Variants in EIF2D observed in about 807,000 individuals in gnomAD.
EIF2D encodes eukaryotic translation initiation factor 2D, also known as hepatocellular carcinoma-associated antigen 56.
EIF2D carries 56 observed loss-of-function variants against 77.4 expected under a neutral mutation model. The ratio of observed to expected loss-of-function variants is 0.72; its 90% confidence interval spans 0.58 to 0.90. EIF2D has a LOEUF of 0.90. Ranked by LOEUF, EIF2D falls within the 40% of genes least tolerant of loss-of-function variation. EIF2D has a pLI of 0.00. For missense variants in EIF2D, 574 were observed against 706.5 expected (o/e 0.81, Z 2.13); for synonymous variants, 230 against 271.0 (o/e 0.85, Z 1.49).
chr1:206,607,265 A>G (rs77081601), intron 4 of EIF2D, among the ~76,000 whole-genome samples: 4,418 of 152,370 alleles, frequency 0.029, 94 homozygotes, highest in Admixed American at 0.045. Flanking sequence ...ACACATACAC[A>G]GTATAATTTT....
intron 13 of EIF2D, chr1:206,594,677 C>T (rs2102277580): frequency 6.6e-6 from 1 of 152,230 alleles, no homozygotes; most frequent in South Asian, 2.1e-4. Flanking sequence ...TGCATGAACC[C>T]CCAACTACAT....
downstream of EIF2D, among the ~76,000 whole-genome samples, chr1:206,570,078 CTTTTTTTTTT>C (rs375900760): frequency 2.1e-3 from 246 of 119,340 alleles, 3 homozygotes; most frequent in African/African-American, 4.9e-3. Flanking sequence ...TAAAATTTAC[CTTTTTTTTTT>C]TTTTTTTTTT....
At chr1:206,587,612 C>T (rs1558526540), downstream of EIF2D, 2 of 155,350 alleles carry the variant, frequency 1.3e-5, no homozygotes, top group African/African-American at 4.8e-5. Flanking sequence ...AAGCTGCAGC[C>T]TGCCCTGGCC....
At chr1:206,611,038 C>T (rs1670456904) in intron 2 of EIF2D, 146 bp downstream of exon 2, 3 of 716,178 alleles carry the variant, frequency 4.2e-6, no homozygotes, top group South Asian at 2.4e-5. Context: ...ATTCTAGGAA[C>T]ACCAGGTCCA....
At chr1:206,595,945 A>C (rs1010107964) in intron 12 of EIF2D, 107 bp from the exon 13 acceptor site, 4 of 1,469,658 alleles carry the variant, frequency 2.7e-6, no homozygotes, top group Non-Finnish European at 3.7e-6. Context: ...GCAGGTCCAC[A>C]ACCTTGGCTG....
chr1:206,587,767 T>A (rs1358207781), downstream of EIF2D: 1 of 152,440 alleles, frequency 6.6e-6, no homozygotes, highest in Non-Finnish European at 1.5e-5. Context: ...TCGTCATGTG[T>A]TTCCCCAAAG....
chr1:206,611,428 T>C, intron 1 of EIF2D, 54 bp from the exon 2 acceptor site: 1 of 1,492,282 alleles, frequency 6.7e-7, no homozygotes, highest in South Asian at 1.3e-5. Flanking sequence ...TTTTAATAAA[T>C]ATCAAGAACG....
chr1:206,587,121 T>G, downstream of EIF2D: 1 of 1,056,690 alleles, frequency 9.5e-7, no homozygotes, highest in Non-Finnish European at 1.4e-6. Flanking sequence ...CAAAAGTCTC[T>G]TCCATGGACA....
Position 206,603,028 on chromosome 1 carries a change from T to G in EIF2D, c.707A>C (p.Lys236Thr), listed in dbSNP as rs964739920. 1.9e-6 allele frequency: 3 copies of G among 1,614,150 alleles called. No homozygotes were observed. The highest frequency in any genetic ancestry group is 1.7e-6 in the Non-Finnish European group (2 of 1,180,020). The change falls in exon 6 of 15, where the codon AAG (lysine) becomes ACG (threonine). Residue 236 changes from lysine (K) to threonine (T), a missense_variant. By Grantham distance (78) the Lys-to-Thr change is moderately conservative. Transcript: ENST00000271764. ...NGEVHQARED[K>T]SLSEAPEDTS... ...GTCTTCTGGGGCTTCTGAGAGAGAC[T>G]TGTCTTCACGTGCCTGGTGAACCTC...
chr1:206,572,956 A>G (rs1347154937), intron 4 of EIF2D, among the ~76,000 whole-genome samples: 1 of 152,310 alleles, frequency 6.6e-6, no homozygotes, highest in South Asian at 2.1e-4. Flanking sequence ...GCTTTGGTCA[A>G]ATGACTACTG....
chr1:206,574,291 T>C (rs1553404746), intron 4 of EIF2D, among the ~76,000 whole-genome samples: 2 of 152,196 alleles, frequency 1.3e-5, no homozygotes, highest in Non-Finnish European at 2.9e-5. Flanking sequence ...CTGTACTTGC[T>C]CTGGTGTGCC....
chr1:206,610,970 C>T (rs939483730), intron 2 of EIF2D, among the ~76,000 whole-genome samples: 2 of 152,026 alleles, frequency 1.3e-5, no homozygotes, highest in African/African-American at 2.4e-5. Flanking sequence ...TTTTTAATCC[C>T]TCCTATAGTG....
In EIF2D at chr1:206,599,065, C is replaced by T. The variant is rs1553410742; in HGVS notation, c.1230G>A (p.Glu410=). Residue 410 remains glutamate (E), a synonymous_variant, in exon 11 of 15, where the codon GAG becomes GAA. Transcript: ENST00000271764. The surrounding 1 kb of genome is among the most constrained non-coding windows in gnomAD (Gnocchi z 4.1). The stretch of plus-strand genomic sequence containing the variant: ...CGTAGTTAATGACGATCGTTCGGAC[C>T]TCACTGCCCTCCAGAAAGCTCCCCT... ...HKKGSFLEGS[E]VRTIVINYAK... 6.2e-7 allele frequency: 1 copy of T among 1,614,146 alleles called. No individual in the cohort carries two copies. Among genetic ancestry groups the T allele is most frequent in the South Asian group, 1.1e-5 (1 of 91,082 alleles).
At chr1:206,607,054 T>C (rs1343188776) in intron 4 of EIF2D, among the ~76,000 whole-genome samples, 3 of 152,190 alleles carry the variant, frequency 2.0e-5, no homozygotes, top group African/African-American at 7.2e-5. Context: ...TAGAGACAAA[T>C]TGGAGGCAAC....
At chr1:206,585,084 C>T (rs1347436740) in intron 2 of EIF2D, 15 of 841,590 alleles carry the variant, frequency 1.8e-5, no homozygotes, top group Middle Eastern at 3.4e-4. Flanking sequence ...TCCAGTTGTA[C>T]GTACCCCACC....
chr1:206,608,434 A>C, intron 3 of EIF2D, 108 bp from the exon 4 acceptor site: 1 of 828,902 alleles, frequency 1.2e-6, no homozygotes, highest in Non-Finnish European at 1.8e-6. Flanking sequence ...ACTAGGTATC[A>C]ACTATGTTTT....
chr1:206,593,257 TC>T, intron 14 of EIF2D, among the ~76,000 whole-genome samples: 1 of 152,212 alleles, frequency 6.6e-6, no homozygotes, highest in Middle Eastern at 3.4e-3. Context: ...CTCTGCAGCA[TC>T]ATTATGATTA....
intron 4 of EIF2D, among the ~76,000 whole-genome samples, chr1:206,607,318 A>ATAG (rs782284604): frequency 4.1e-4 from 62 of 152,376 alleles, no homozygotes; most frequent in Admixed American, 7.2e-4. Flanking sequence ...ATGTATTTTT[A>ATAG]TACGCACATG....
rs1668782371 is a variant in EIF2D at position 206,579,413 on chromosome 1, C to CT, written c.*254+1278dup. ...CTCGCTTTGTACCCGTGGACAGATC[C>CT]TTAAGAATCTGGCAGGTGAATAGGA... On this transcript the variant is annotated intron_variant and NMD_transcript_variant, in intron 4 of 5. Transcript: ENST00000472709. This position sits in a 1 kb window ranked among gnomAD's most constrained non-coding sequence, Gnocchi z 4.2. 6.6e-6 allele frequency among the ~76,000 whole-genome samples: 1 copy of CT among 152,176 alleles called. No homozygotes were observed. Among genetic ancestry groups the CT allele is most frequent in the South Asian group, 2.1e-4 (1 of 4,830 alleles).
Sources: gnomAD v4.1 joint callset for allele counts (sites outside exome capture counted in the v4.1 genomes callset) on GRCh38, gnomAD v4.1.1 for gene constraint, Gnocchi (gnomAD v3.1) non-coding constraint, MANE v1.5 for transcripts, NCBI Gene and HGNC (gene_info 2026-07-23, HGNC 2026-07-21) for gene names.